PCDHB14: variants seen among roughly 807,000 people sequenced by gnomAD.
PCDHB14 encodes protocadherin beta-14.
For synonymous variants in PCDHB14, 511 were observed against 441.5 expected (o/e 1.16, Z -1.97); for missense variants, 1,129 against 1,000.5 (o/e 1.13, Z -1.73).
Position 141,223,811 on chromosome 5 carries a change from T to A in PCDHB14, c.306T>A (p.Cys102Ter), listed in dbSNP as rs375762536. 2.5e-6 allele frequency: 4 copies of A among 1,613,710 alleles called. No individual in the cohort carries two copies. Among genetic ancestry groups the A allele is most frequent in the Non-Finnish European group, 3.4e-6 (4 of 1,179,928 alleles). ...AGCTGTGTGGCTCCACCGAGCCCTG[T>A]GTGCTGCATTTTCAGGTGGTTTTGG... ...RDELCGSTEPCVLHFQVVLEN... is the reference protein window; with the variant it reads ...RDELCGSTEP The change falls in exon 1 of 1, where the codon TGT (cysteine) becomes TGA (stop). Residue 102 changes from cysteine to a stop codon, truncating the protein, a stop_gained. Transcript: ENST00000239449. LOFTEE classifies it low-confidence loss of function (END_TRUNC).
rs1471183406 is a variant in PCDHB14, at chr5:141,226,457, T to A, written c.*555T>A. ...AGTGGTCACATTGGAAATTATTAATTTCTTAAGTAATTTTTTCTGTAACTG... is the reference window on the plus strand; with the variant it reads ...AGTGGTCACATTGGAAATTATTAATATCTTAAGTAATTTTTTCTGTAACTG... On this transcript the variant is annotated 3_prime_UTR_variant, in exon 1 of 1. Transcript: ENST00000239449. 6.6e-6 allele frequency: 1 copy of A among 152,372 alleles called. No homozygotes were observed. The allele number at this position is 152,372 out of a possible 1,614,324, so 9.4% of individuals were successfully genotyped here.
In PCDHB14 at chr5:141,224,732, G is replaced by A. The variant is rs1754800323; in HGVS notation, c.1227G>A (p.Leu409=). 6.2e-7 allele frequency: 1 copy of A among 1,614,122 alleles called. No homozygotes were observed. The highest frequency in any genetic ancestry group is 1.1e-5 in the South Asian group (1 of 91,076). The change falls in exon 1 of 1, where the codon CTG becomes CTA. Residue 409 remains leucine (L), a synonymous_variant. Transcript: ENST00000239449. The part of the protein sequence containing the change: ...NFFTLVSEKA[L]DRESQAEYNI... The stretch of plus-strand genomic sequence containing the variant: ...TCACTCTAGTTTCTGAAAAAGCACT[G>A]GACAGAGAGAGCCAAGCCGAGTACA...
chr5:141,226,012 T>A lies in PCDHB14; in HGVS notation c.*110T>A. 1.1e-6 allele frequency: 1 copy of A among 941,978 alleles called. No homozygotes were observed. The highest frequency in any genetic ancestry group is 1.6e-6 in the Non-Finnish European group (1 of 630,602). 58.4% of individuals were successfully genotyped at this position (941,978 alleles called of 1,614,324 possible). Reference sequence around the variant, plus strand: ...TGTACTGTAGTTGCATGCATGATTATAGCTCTTGTTTTTCTCACAGTTTCT... The same window carrying A: ...TGTACTGTAGTTGCATGCATGATTAAAGCTCTTGTTTTTCTCACAGTTTCT... On this transcript the variant is annotated 3_prime_UTR_variant, in exon 1 of 1. Coordinates refer to ENST00000239449, the MANE Select transcript of PCDHB14 (RefSeq NM_018934.4).
chr5:141,225,046 T>G lies in PCDHB14; in HGVS notation c.1541T>G (p.Phe514Cys). 6.2e-7 allele frequency: 1 copy of G among 1,612,548 alleles called. No homozygotes were observed. Residue 514 changes from phenylalanine (F) to cysteine (C), a missense_variant, in exon 1 of 1, where the codon TTT becomes TGT. Coordinates refer to ENST00000239449, the MANE Select transcript of PCDHB14 (RefSeq NM_018934.4). ...VSINADNGHL[F>C]ALRSLDYEAL... ...ATCAACGCGGACAATGGCCACCTGT[T>G]TGCCCTCAGGTCGCTGGACTACGAG... is the stretch of plus-strand genomic sequence containing the variant.
chr5:141,225,745 A>G lies in PCDHB14; in HGVS notation c.2240A>G (p.Gln747Arg), dbSNP rs1554289573. The change falls in exon 1 of 1, where the codon CAG (glutamine) becomes CGG (arginine). Residue 747 changes from glutamine (Q) to arginine (R), a missense_variant. Physicochemically the swap from Gln to Arg is conservative, Grantham distance 43 (BLOSUM62 1). Transcript: ENST00000239449. Reference protein sequence around the residue: ...VDVSGTGTLSQSYQYEVCLTG... With the variant: ...VDVSGTGTLSRSYQYEVCLTG... ...GTGAGCGGCACCGGGACCCTGTCCCAGAGCTACCAATACGAGGTGTGTCTG... is the reference window on the plus strand; with the variant it reads ...GTGAGCGGCACCGGGACCCTGTCCCGGAGCTACCAATACGAGGTGTGTCTG... The G allele has an allele frequency of 6.2e-7, 1 of 1,614,222 alleles. No individual in the cohort carries two copies. Among genetic ancestry groups the G allele is most frequent in the Admixed American group, 1.7e-5 (1 of 60,034 alleles).
chr5:141,224,178 A>C lies in PCDHB14; in HGVS notation c.673A>C (p.Thr225Pro). 1 of 1,614,086 alleles carries C rather than the reference A, an allele frequency of 6.2e-7. No homozygotes were observed. The highest frequency in any genetic ancestry group is 1.1e-5 in the South Asian group (1 of 91,080). Reference sequence around the variant, plus strand: ...TGGTGGATCCCCGCCCAAGTCTGGGACAACTTTGGTTCTCATCAAGGTGTT... The same window carrying C: ...TGGTGGATCCCCGCCCAAGTCTGGGCCAACTTTGGTTCTCATCAAGGTGTT... ...VDGGSPPKSG[T>P]TLVLIKVLDI... The change falls in exon 1 of 1, where the codon ACA becomes CCA. Residue 225 changes from threonine (T) to proline (P), a missense_variant. Coordinates refer to ENST00000239449, the MANE Select transcript of PCDHB14 (RefSeq NM_018934.4).
Position 141,225,777 on chromosome 5 carries a change from G to A in PCDHB14, c.2272G>A (p.Gly758Ser). 6.2e-7 allele frequency: 1 copy of A among 1,614,238 alleles called. No individual in the cohort carries two copies. The highest frequency in any genetic ancestry group is 1.1e-5 in the South Asian group (1 of 91,084). ...CCAATACGAGGTGTGTCTGACAGGA[G>A]GTTCCGGGACAAATGAGTTCAAATT... ...SYQYEVCLTGGSGTNEFKFLK... is the reference protein window; with the variant it reads ...SYQYEVCLTGSSGTNEFKFLK... Residue 758 changes from glycine to serine, a missense_variant, in exon 1 of 1, where the codon GGT becomes AGT. Transcript: ENST00000239449.
Position 141,225,612 on chromosome 5 carries a change from T to C in PCDHB14, c.2107T>C (p.Phe703Leu), listed in dbSNP as rs1554289543. 5.0e-6 allele frequency: 8 copies of C among 1,612,232 alleles called. No homozygotes were observed. The highest frequency in any genetic ancestry group is 2.2e-5 in the East Asian group (1 of 44,832). Residue 703 changes from phenylalanine (F) to leucine (L), a missense_variant, in exon 1 of 1, where the codon TTC becomes CTC. Phe to Leu is a conservative substitution (Grantham distance 22). Transcript: ENST00000239449. ...ALASVSSLFL[F>L]SVLLFVAVRL... The stretch of plus-strand genomic sequence containing the variant: ...GGCCTCGGTGTCGTCGCTCTTCCTC[T>C]TCTCGGTGCTCCTGTTCGTGGCGGT...
In PCDHB14 at chr5:141,224,612, T is replaced by A; in HGVS notation, c.1107T>A (p.Ser369Arg). 1 of 1,614,012 alleles carries A rather than the reference T, an allele frequency of 6.2e-7. No individual in the cohort carries two copies. The highest frequency in any genetic ancestry group is 2.2e-5 in the East Asian group (1 of 44,868). The change falls in exon 1 of 1, where the codon AGT (serine) becomes AGA (arginine). Residue 369 changes from serine to arginine, a missense_variant. Coordinates refer to ENST00000239449, the MANE Select transcript of PCDHB14 (RefSeq NM_018934.4). ...NASETLVALF[S>R]ILDQDSGDNG... ...CAGAGACCCTAGTAGCTCTTTTTAG[T>A]ATCCTAGACCAAGACTCTGGAGACA...
chr5:141,226,580 T>G lies in PCDHB14; in HGVS notation c.*678T>G, dbSNP rs1554289662. 2 of 152,206 alleles carry G rather than the reference T, an allele frequency of 1.3e-5. No homozygotes were observed. The highest frequency in any genetic ancestry group is 1.3e-4 in the Admixed American group (2 of 15,286). The allele number at this position is 152,206 out of a possible 1,614,324, so 9.4% of individuals were successfully genotyped here. ...CTTAATTTAATTCTATTTATTTATG[T>G]TTTTTGAGACAGGGTCTCATTCCAT... On this transcript the variant is annotated 3_prime_UTR_variant, in exon 1 of 1. Coordinates refer to ENST00000239449, the MANE Select transcript of PCDHB14 (RefSeq NM_018934.4).
rs544307058 is a variant in PCDHB14, at chr5:141,224,090, C to T, written c.585C>T (p.Val195=). 4 of 1,613,986 alleles carry T rather than the reference C, an allele frequency of 2.5e-6. No individual in the cohort carries two copies. In the African/African-American group the frequency reaches 4.0e-5, roughly 16 times the overall value. Residue 195 remains valine (V), a synonymous_variant, in exon 1 of 1, where the codon GTC becomes GTT. Transcript: ENST00000239449. ...SSDRKIYPEL[V]LDRALDYEQE... The stretch of plus-strand genomic sequence containing the variant: ...ACAGAAAGATATACCCAGAGCTGGT[C>T]CTAGATAGAGCTTTAGATTATGAAC...
rs781941412 is a variant in PCDHB14, at chr5:141,225,277, C to T, written c.1772C>T (p.Ala591Val). Reference sequence around the variant, plus strand: ...GGCTACCTGGTGACCAAGGTGGTGGCGGTGGACGGCGACTCGGGCCAGAAC... The same window carrying T: ...GGCTACCTGGTGACCAAGGTGGTGGTGGTGGACGGCGACTCGGGCCAGAAC... Reference protein sequence around the residue: ...EPGYLVTKVVAVDGDSGQNAW... With the variant: ...EPGYLVTKVVVVDGDSGQNAW... The change falls in exon 1 of 1, where the codon GCG becomes GTG. Residue 591 changes from alanine to valine, a missense_variant. Ala to Val is a moderately conservative substitution (Grantham distance 64, BLOSUM62 0). Coordinates refer to ENST00000239449, the MANE Select transcript of PCDHB14 (RefSeq NM_018934.4). 1.3e-6 allele frequency: 2 copies of T among 1,596,444 alleles called. No homozygotes were observed. Among genetic ancestry groups the T allele is most frequent in the Non-Finnish European group, 1.7e-6 (2 of 1,176,266 alleles).
chr5:141,227,123 C>T lies in PCDHB14; in HGVS notation c.*1221C>T, dbSNP rs1334171353. ...CTAGGATTACAGGCATGAGCCATTACGTCTGGCCTAGTTTTCTTTAAATAC... is the reference window on the plus strand; with the variant it reads ...CTAGGATTACAGGCATGAGCCATTATGTCTGGCCTAGTTTTCTTTAAATAC... On this transcript the variant is annotated 3_prime_UTR_variant, in exon 1 of 1. Coordinates refer to ENST00000239449, the MANE Select transcript of PCDHB14 (RefSeq NM_018934.4). The T allele has an allele frequency of 1.3e-5, 2 of 152,210 alleles. No individual in the cohort carries two copies. Among genetic ancestry groups the T allele is most frequent in the African/African-American group, 2.4e-5 (1 of 41,442 alleles). The allele number at this position is 152,210 out of a possible 1,614,324, so 9.4% of individuals were successfully genotyped here.
Position 141,224,618 on chromosome 5 carries a change from A to G in PCDHB14, c.1113A>G (p.Leu371=). The part of the protein sequence containing the change: ...SETLVALFSI[L]DQDSGDNGRM... ...CCCTAGTAGCTCTTTTTAGTATCCT[A>G]GACCAAGACTCTGGAGACAATGGGA... Residue 371 remains leucine, a synonymous_variant, in exon 1 of 1, where the codon CTA becomes CTG. Transcript: ENST00000239449. 6.2e-7 allele frequency: 1 copy of G among 1,614,178 alleles called. No individual in the cohort carries two copies. The highest frequency in any genetic ancestry group is 8.5e-7 in the Non-Finnish European group (1 of 1,180,030).
rs1754859786 is a variant in PCDHB14 at position 141,226,283 on chromosome 5, G to A, written c.*381G>A. The stretch of plus-strand genomic sequence containing the variant: ...GCATAAAATAAAAATAAAAAGCGTT[G>A]CTGAATCTGGGTCGAAAATGTAGTG... On this transcript the variant is annotated 3_prime_UTR_variant, in exon 1 of 1. Coordinates refer to ENST00000239449, the MANE Select transcript of PCDHB14 (RefSeq NM_018934.4). 1 of 179,380 alleles carries A rather than the reference G, an allele frequency of 5.6e-6. No individual in the cohort carries two copies. The allele number at this position is 179,380 out of a possible 1,614,324, so 11.1% of individuals were successfully genotyped here. A position where few individuals can be genotyped will look rare whatever the true frequency, so the allele number is the denominator to read the frequency against.
chr5:141,225,369 G>C lies in PCDHB14; in HGVS notation c.1864G>C (p.Gly622Arg). The C allele has an allele frequency of 6.2e-7, 1 of 1,603,714 alleles. No individual in the cohort carries two copies. The highest frequency in any genetic ancestry group is 2.2e-5 in the East Asian group (1 of 44,858). The change falls in exon 1 of 1, where the codon GGC becomes CGC. Residue 622 changes from glycine to arginine, a missense_variant. Gly to Arg is a moderately radical substitution (Grantham distance 125). Coordinates refer to ENST00000239449, the MANE Select transcript of PCDHB14 (RefSeq NM_018934.4). Reference sequence around the variant, plus strand: ...GCTGTTCGGCGTGTGGGCGCACAATGGCGAGGTGCGCACCGCCAGGCTGCT... The same window carrying C: ...GCTGTTCGGCGTGTGGGCGCACAATCGCGAGGTGCGCACCGCCAGGCTGCT... ...PGLFGVWAHN[G>R]EVRTARLLSE...
At position 141,224,038 on chromosome 5, in the gene PCDHB14, T is replaced by G; in HGVS notation, c.533T>G (p.Phe178Cys). Residue 178 changes from phenylalanine to cysteine, a missense_variant, in exon 1 of 1, where the codon TTC (phenylalanine) becomes TGC (cysteine). Physicochemically the swap from Phe to Cys is radical, Grantham distance 205. Transcript: ENST00000239449. ...TACACAATTAGCCCCAATTCTCACT[T>G]CTACATTAAAATTCCCGACAGTAGT... Reference protein sequence around the residue: ...QNYTISPNSHFYIKIPDSSDR... With the variant: ...QNYTISPNSHCYIKIPDSSDR... The G allele has an allele frequency of 6.2e-7, 1 of 1,613,688 alleles. No homozygotes were observed. Among genetic ancestry groups the G allele is most frequent in the Non-Finnish European group, 8.5e-7 (1 of 1,179,890 alleles).
At position 141,226,048 on chromosome 5, in the gene PCDHB14, T is replaced by G. The variant is rs1754854617; in HGVS notation, c.*146T>G. On this transcript the variant is annotated 3_prime_UTR_variant, in exon 1 of 1. Coordinates refer to ENST00000239449, the MANE Select transcript of PCDHB14 (RefSeq NM_018934.4). ...TTTCTCACAGTTTCTTTAAAAATCT[T>G]TATTAGTGGCTATAATGACGTGGAA... is the stretch of plus-strand genomic sequence containing the variant. The G allele has an allele frequency of 2.7e-6, 2 of 754,594 alleles. No individual in the cohort carries two copies. The highest frequency in any genetic ancestry group is 4.2e-6 in the Non-Finnish European group (2 of 474,902). 46.7% of individuals were successfully genotyped at this position (754,594 alleles called of 1,614,324 possible). A position where few individuals can be genotyped will look rare whatever the true frequency, so the allele number is the denominator to read the frequency against.
Position 141,224,164 on chromosome 5 carries a change from C to T in PCDHB14, c.659C>T (p.Pro220Leu), listed in dbSNP as rs782298964. 22 of 1,613,910 alleles carry T rather than the reference C, an allele frequency of 1.4e-5. No individual in the cohort carries two copies. In the South Asian group the frequency reaches 2.2e-4, roughly 16 times the overall value. ...LTLTAVDGGS[P>L]PKSGTTLVLI... ...CTCACAGCAGTGGATGGTGGATCCC[C>T]GCCCAAGTCTGGGACAACTTTGGTT... The change falls in exon 1 of 1, where the codon CCG (proline) becomes CTG (leucine). Residue 220 changes from proline (P) to leucine (L), a missense_variant. By Grantham distance (98) the Pro-to-Leu change is moderately conservative (BLOSUM62 -3). Transcript: ENST00000239449.
Sources: allele counts gnomAD v4.1 joint callset, GRCh38; gene constraint gnomAD v4.1.1; transcripts MANE v1.5; gene names NCBI Gene and HGNC (gene_info 2026-07-23, HGNC 2026-07-21).